Variants in NR1I2 observed in about 807,000 individuals in gnomAD.
NR1I2 encodes orphan nuclear receptor PAR1.
NR1I2 carries 42 observed loss-of-function variants against 43.3 expected under a neutral mutation model. The observed-to-expected ratio is 0.97, with a 90% CI of 0.76 to 1.26. The LOEUF is 1.26. Among genes scored for constraint, NR1I2 ranks in the 50% most tolerant of loss-of-function variants. The pLI is 0.00. For synonymous variants in NR1I2, 229 were observed against 215.0 expected (o/e 1.06, Z -0.57); for missense variants, 559 against 566.7 (o/e 0.99, Z 0.14).
chr3:119,802,249 C>G (rs1324753832), intron 1 of NR1I2, among the ~76,000 whole-genome samples: 3 of 152,178 alleles, frequency 2.0e-5, no homozygotes, highest in Non-Finnish European at 4.4e-5. Context: ...TTGGGCAAAA[C>G]AAAATGAAAG....
chr3:119,814,812 G>T (rs1216706765), intron 5 of NR1I2, among the ~76,000 whole-genome samples, 167 bp from the exon 6 acceptor site: 1 of 152,154 alleles, frequency 6.6e-6, no homozygotes, highest in African/African-American at 2.4e-5. Flanking sequence ...GGGTTGTGAG[G>T]GGAGAGATGA....
chr3:119,800,269 G>A (rs2055060554), intron 1 of NR1I2, among the ~76,000 whole-genome samples: 1 of 152,052 alleles, frequency 6.6e-6, no homozygotes, highest in Non-Finnish European at 1.5e-5. Flanking sequence ...CCATTGAATT[G>A]CCTTGCATTT....
chr3:119,796,844 A>T (rs1184655735), intron 1 of NR1I2, among the ~76,000 whole-genome samples: 1 of 152,168 alleles, frequency 6.6e-6, no homozygotes, highest in Non-Finnish European at 1.5e-5. Flanking sequence ...CTTCCTCTTC[A>T]TGCCCAAAGC....
At chr3:119,815,175 G>C in intron 6 of NR1I2, 54 bp downstream of exon 6, 1 of 1,612,200 alleles carries the variant, frequency 6.2e-7, no homozygotes, top group Non-Finnish European at 8.5e-7. Context: ...CTGCAGTTAT[G>C]GGAGGAAGGG....
At chr3:119,785,064 A>AT (rs1234009590) in intron 1 of NR1I2, among the ~76,000 whole-genome samples, 1 of 152,208 alleles carries the variant, frequency 6.6e-6, no homozygotes, top group South Asian at 2.1e-4. Context: ...ACAAACCTTA[A>AT]TTTTTTGTGT....
rs1192782454 is a variant in NR1I2 at position 119,815,029 on chromosome 3, A to C, written c.845A>C (p.Glu282Ala). 6.2e-7 allele frequency: 1 copy of C among 1,614,100 alleles called. No homozygotes were observed. Among genetic ancestry groups the C allele is most frequent in the Non-Finnish European group, 8.5e-7 (1 of 1,180,012 alleles). ...TCCCTGCTGAAGGGGGCCGCTTTCG[A>C]GCTGTGTCAACTGAGATTCAACACA... The change falls in exon 6 of 9, where the codon GAG (glutamate) becomes GCG (alanine). Residue 282 changes from glutamate (E) to alanine (A), a missense_variant. Glu to Ala is a moderately radical substitution (Grantham distance 107). Coordinates refer to ENST00000393716, the MANE Select transcript of NR1I2 (RefSeq NM_003889.4).
At chr3:119,792,132 C>T (rs527594778) in intron 1 of NR1I2, 38 of 807,254 alleles carry the variant, frequency 4.7e-5, no homozygotes, top group Non-Finnish European at 6.2e-5. Flanking sequence ...CCAGCTTCCT[C>T]GCATCTTCAC....
At position 119,817,236 on chromosome 3, in the gene NR1I2, C is replaced by G; in HGVS notation, c.*24C>G. On this transcript the variant is annotated 3_prime_UTR_variant, in exon 9 of 9. Transcript: ENST00000393716. ...GAGCGGCTGCCCTTGGGTGACACCT[C>G]CGAGAGGCAGCCAGACCCAGAGCCC... 6.2e-7 allele frequency: 1 copy of G among 1,612,734 alleles called. No homozygotes were observed.
chr3:119,805,915 C>T (rs1032007056), intron 1 of NR1I2, among the ~76,000 whole-genome samples: 1 of 151,950 alleles, frequency 6.6e-6, no homozygotes, highest in African/African-American at 2.4e-5. Context: ...TTCCCCTGTG[C>T]CTGTTCAGTT....
In NR1I2 at chr3:119,812,910, C is replaced by A; in HGVS notation, c.744C>A (p.Thr248=). 6.2e-7 allele frequency: 1 copy of A among 1,614,126 alleles called. No homozygotes were observed. The highest frequency in any genetic ancestry group is 8.5e-7 in the Non-Finnish European group (1 of 1,180,028). ...TGCCCCACATGGCTGACATGTCAACCTACATGTTCAAAGGCATCATCAGCT... is the reference window on the plus strand; with the variant it reads ...TGCCCCACATGGCTGACATGTCAACATACATGTTCAAAGGCATCATCAGCT... The change falls in exon 5 of 9, where the codon ACC becomes ACA. Residue 248 remains threonine, a synonymous_variant. Coordinates refer to ENST00000393716, the MANE Select transcript of NR1I2 (RefSeq NM_003889.4).
Position 119,809,644 on chromosome 3 carries a change from G to C in NR1I2, c.198-417G>C, listed in dbSNP as rs555048564. 1.3e-4 allele frequency among the ~76,000 whole-genome samples: 20 copies of C among 152,204 alleles called. No homozygotes were observed. The East Asian group carries it at 3.5e-3, about 26-fold the overall frequency. On this transcript the variant is annotated intron_variant, in intron 2 of 8. Coordinates refer to ENST00000393716, the MANE Select transcript of NR1I2 (RefSeq NM_003889.4). The stretch of plus-strand genomic sequence containing the variant: ...TTTCCTCAGCTCCCTCCCTTAAGGA[G>C]GGGAAATCGAGGAAGAGGCCCATCT...
Position 119,799,985 on chromosome 3 carries a change from A to AACAAACAAAC in NR1I2, c.-22-7241_-22-7240insAACAAACACA, listed in dbSNP as rs1553717728. Among the ~76,000 whole-genome samples, 582 of 142,480 alleles carry AACAAACAAAC rather than the reference A, an allele frequency of 4.1e-3. 4 individuals are homozygous for AACAAACAAAC. The highest frequency in any genetic ancestry group is 5.9e-3 in the Non-Finnish European group (380 of 64,250). The allele number at this position is 142,480 out of a possible 152,430, so 93.5% of individuals were successfully genotyped here. A position where few individuals can be genotyped will look rare whatever the true frequency, so the allele number is the denominator to read the frequency against. ...CAAAAAACAAACAAACAAACAAACA[A>AACAAACAAAC]ACACACACACACACACACACACACA... On this transcript the variant is annotated intron_variant, in intron 1 of 8. Transcript: ENST00000393716.
chr3:119,812,898 T>C lies in NR1I2; in HGVS notation c.732T>C (p.Ala244=). ...TCTTCTCCCTGCTGCCCCACATGGC[T>C]GACATGTCAACCTACATGTTCAAAG... Residue 244 remains alanine, a synonymous_variant, in exon 5 of 9, where the codon GCT becomes GCC. Coordinates refer to ENST00000393716, the MANE Select transcript of NR1I2 (RefSeq NM_003889.4). The C allele has an allele frequency of 6.2e-7, 1 of 1,614,166 alleles. No individual in the cohort carries two copies. Among genetic ancestry groups the C allele is most frequent in the Non-Finnish European group, 8.5e-7 (1 of 1,180,022 alleles).
At chr3:119,789,281 T>C (rs1431990905) in intron 1 of NR1I2, among the ~76,000 whole-genome samples, 1 of 152,152 alleles carries the variant, frequency 6.6e-6, no homozygotes, top group African/African-American at 2.4e-5. Flanking sequence ...ACTGTATTAG[T>C]CCATGTTCAC....
chr3:119,812,682 C>G lies in NR1I2; in HGVS notation c.520-4C>G. On this transcript the variant is annotated splice_region_variant and splice_polypyrimidine_tract_variant and intron_variant, in intron 4 of 8. Coordinates refer to ENST00000393716, the MANE Select transcript of NR1I2 (RefSeq NM_003889.4). Reference sequence around the variant, plus strand: ...CTCTGTCCACCTCCTGGCATGTGTCCTAGCTGCCAGGGGTGCTTAGCAGTG... The same window carrying G: ...CTCTGTCCACCTCCTGGCATGTGTCGTAGCTGCCAGGGGTGCTTAGCAGTG... The G allele has an allele frequency of 1.2e-6, 2 of 1,613,772 alleles. No homozygotes were observed. Among genetic ancestry groups the G allele is most frequent in the Non-Finnish European group, 8.5e-7 (1 of 1,180,002 alleles).
intron 2 of NR1I2, among the ~76,000 whole-genome samples, chr3:119,808,378 TC>T (rs1441558561): frequency 6.6e-6 from 1 of 152,226 alleles, no homozygotes; most frequent in African/African-American, 2.4e-5. Flanking sequence ...AGGAAATCTT[TC>T]CCAGGAGTCC....
At chr3:119,794,696 G>C (rs961297457) in intron 1 of NR1I2, among the ~76,000 whole-genome samples, 58 of 152,254 alleles carry the variant, frequency 3.8e-4, no homozygotes, top group African/African-American at 1.4e-3. Context: ...CCAGCATTTT[G>C]GTTGGCCAAG....
In NR1I2 at chr3:119,815,711, C is replaced by T. The variant is rs779389043; in HGVS notation, c.1055-15C>T. The T allele has an allele frequency of 2.0e-5, 32 of 1,603,906 alleles. No homozygotes were observed. The East Asian group carries it at 2.7e-4, about 13-fold the overall frequency. ...TTTGCCCCATGATCTTGCACCACAC[C>T]TCCCTCCCCTCCAGACCGCCCAGGT... On this transcript the variant is annotated splice_polypyrimidine_tract_variant and intron_variant, in intron 7 of 8. Coordinates refer to ENST00000393716, the MANE Select transcript of NR1I2 (RefSeq NM_003889.4).
intron 1 of NR1I2, among the ~76,000 whole-genome samples, chr3:119,793,578 T>A (rs983143136): frequency 3.3e-5 from 5 of 152,194 alleles, no homozygotes; most frequent in African/African-American, 1.2e-4. Context: ...AGCCAGCAAC[T>A]TAGCATCTGA....
Sources: allele counts gnomAD v4.1 joint callset (sites outside exome capture counted in the v4.1 genomes callset), GRCh38; gene constraint gnomAD v4.1.1; transcripts MANE v1.5; gene names NCBI Gene and HGNC (gene_info 2026-07-23, HGNC 2026-07-21).